Variants in DACH1 observed in about 807,000 individuals in gnomAD.
The protein encoded by DACH1 is dachshund homolog 1.
DACH1 carries 12 observed loss-of-function variants against 54.2 expected under a neutral mutation model. The ratio of observed to expected loss-of-function variants is 0.22; its 90% CI spans 0.14 to 0.36. The LOEUF is 0.36. Among genes scored for constraint, DACH1 ranks in the 10% least tolerant of loss-of-function variants. The probability of loss-of-function intolerance (pLI) is 1.00; values close to 1 mark genes in which losing one functional copy is unlikely to be tolerated. For synonymous variants in DACH1, 386 were observed against 366.2 expected (o/e 1.05, Z -0.62); for missense variants, 805 against 929.8 (o/e 0.87, Z 1.75).
At chr13:71,634,354 G>A (rs934694832) in intron 2 of DACH1, among the ~76,000 whole-genome samples, 4 of 152,072 alleles carry the variant, frequency 2.6e-5, no homozygotes, top group African/African-American at 4.8e-5. Flanking sequence ...AGCGCCCTTT[G>A]TTCTCAGTTC....
At chr13:71,657,974 A>T (rs999478533) in intron 2 of DACH1, among the ~76,000 whole-genome samples, 2 of 152,118 alleles carry the variant, frequency 1.3e-5, no homozygotes, top group Non-Finnish European at 1.5e-5. Flanking sequence ...GTACTTTGAT[A>T]TCCAGTTTTA....
intron 1 of DACH1, among the ~76,000 whole-genome samples, chr13:71,817,962 C>T (rs1888030912): frequency 6.6e-6 from 1 of 151,580 alleles, no homozygotes; most frequent in South Asian, 2.1e-4. Flanking sequence ...TTACAGCCAC[C>T]CGCCATGATG....
At chr13:71,797,610 AAC>A (rs1887110314) in intron 1 of DACH1, among the ~76,000 whole-genome samples, 2 of 152,094 alleles carry the variant, frequency 1.3e-5, no homozygotes, top group Admixed American at 1.3e-4. Context: ...GTAGCACAGG[AAC>A]ACAGAGGGGT....
At position 71,440,671 on chromosome 13, in the gene DACH1, G is replaced by T; in HGVS notation, c.2105C>A (p.Thr702Asn). Residue 702 changes from threonine (T) to asparagine (N), a missense_variant, in exon 11 of 11, where the codon ACT becomes AAT. Transcript: ENST00000613252. ...AGGAAAGATTCAGTACATGACAGTA[G>T]TTTTCAAATACAGTCTTCCATCTAG... ...TIQDGRLYLK[T>N]TVMY The T allele has an allele frequency of 6.2e-7, 1 of 1,605,794 alleles. No individual in the cohort carries two copies. The highest frequency in any genetic ancestry group is 8.5e-7 in the Non-Finnish European group (1 of 1,175,736).
chr13:71,777,051 C>A (rs1886093378), intron 1 of DACH1, among the ~76,000 whole-genome samples: 1 of 152,158 alleles, frequency 6.6e-6, no homozygotes. Flanking sequence ...ATTCTTTCAG[C>A]TTCCTGTAAT....
chr13:71,515,957 C>A (rs1342816906), intron 6 of DACH1, among the ~76,000 whole-genome samples: 4 of 151,822 alleles, frequency 2.6e-5, no homozygotes, highest in African/African-American at 9.7e-5. Context: ...TGTCAGAGCA[C>A]AACGATTCTG....
At chr13:71,766,211 C>T (rs573838658) in intron 1 of DACH1, among the ~76,000 whole-genome samples, 1 of 152,116 alleles carries the variant, frequency 6.6e-6, no homozygotes, top group Non-Finnish European at 1.5e-5. Context: ...ACTATTTCCC[C>T]TAAATTTCCT....
intron 3 of DACH1, among the ~76,000 whole-genome samples, chr13:71,621,854 T>G (rs1419768812): frequency 2.0e-5 from 3 of 152,060 alleles, no homozygotes; most frequent in Non-Finnish European, 2.9e-5. Flanking sequence ...GAAAATGAAC[T>G]GCACATACTG....
chr13:71,758,636 T>C (rs1566483046), intron 1 of DACH1, among the ~76,000 whole-genome samples: 1 of 152,192 alleles, frequency 6.6e-6, no homozygotes, highest in Admixed American at 6.5e-5. Flanking sequence ...TTAATCAAAA[T>C]ACAGCATCTC....
intron 6 of DACH1, among the ~76,000 whole-genome samples, chr13:71,533,193 A>G (rs1882528447): frequency 6.6e-6 from 1 of 151,956 alleles, no homozygotes; most frequent in Non-Finnish European, 1.5e-5. Flanking sequence ...AAGCTCTTCA[A>G]AGCGTATAAG....
intron 1 of DACH1, among the ~76,000 whole-genome samples, chr13:71,696,877 C>T (rs1428953536): frequency 6.6e-6 from 1 of 152,054 alleles, no homozygotes; most frequent in Non-Finnish European, 1.5e-5. Context: ...CACTGCTATT[C>T]CACGACTCTG....
chr13:71,606,838 A>T (rs929298522), intron 3 of DACH1, among the ~76,000 whole-genome samples: 1 of 152,058 alleles, frequency 6.6e-6, no homozygotes, highest in African/African-American at 2.4e-5. Flanking sequence ...GTAGCAAAAG[A>T]TCCATCAATT....
At chr13:71,807,178 G>C (rs996145714) in intron 1 of DACH1, among the ~76,000 whole-genome samples, 1 of 152,074 alleles carries the variant, frequency 6.6e-6, no homozygotes, top group Non-Finnish European at 1.5e-5. Context: ...AGTAATATTT[G>C]TGCTATATTA....
chr13:71,499,507 T>C (rs189778520), intron 6 of DACH1, among the ~76,000 whole-genome samples: 1 of 152,292 alleles, frequency 6.6e-6, no homozygotes, highest in East Asian at 1.9e-4. Flanking sequence ...TAGAAACTGT[T>C]TTTGTTTTAT....
chr13:71,657,659 T>C (rs1271173151), intron 2 of DACH1, among the ~76,000 whole-genome samples: 1 of 151,840 alleles, frequency 6.6e-6, no homozygotes, highest in African/African-American at 2.4e-5. Flanking sequence ...GAGACCCACA[T>C]ATACATACAC....
chr13:71,713,855 C>A (rs982150905), intron 1 of DACH1, among the ~76,000 whole-genome samples: 1 of 151,862 alleles, frequency 6.6e-6, no homozygotes, highest in African/African-American at 2.4e-5. Context: ...AAAAATTAGA[C>A]AAATATAATT....
intron 2 of DACH1, among the ~76,000 whole-genome samples, chr13:71,679,701 T>C (rs907203372): frequency 6.6e-6 from 1 of 152,110 alleles, no homozygotes; most frequent in Non-Finnish European, 1.5e-5. Flanking sequence ...ACATGAAAAG[T>C]TGGCCAGGCG....
intron 3 of DACH1, among the ~76,000 whole-genome samples, chr13:71,592,574 G>C (rs1873813794): frequency 6.6e-6 from 1 of 150,734 alleles, no homozygotes. Flanking sequence ...TGCCAATTTG[G>C]AACTTATAAT....
chr13:71,866,466 TGCCACCGCC>T lies in DACH1; in HGVS notation c.295_303del (p.Gly99_Gly101del), dbSNP rs1364348412. On this transcript the variant is annotated inframe_deletion, in exon 1 of 11. Transcript: ENST00000613252. The stretch of plus-strand genomic sequence containing the variant: ...GCCGCCAGGTTGGGGTTGCAGTTGC[TGCCACCGCC>T]GCCGCCGCCACCGCCGCCTCCGTTG... The T allele has an allele frequency of 5.5e-6, 7 of 1,282,326 alleles. No individual in the cohort carries two copies. In the South Asian group the frequency reaches 1.6e-4, roughly 29 times the overall value. 79.4% of individuals were successfully genotyped at this position (1,282,326 alleles called of 1,614,324 possible).
Sources: allele counts gnomAD v4.1 joint callset (sites outside exome capture counted in the v4.1 genomes callset), GRCh38; gene constraint gnomAD v4.1.1; transcripts MANE v1.5; gene names NCBI Gene and HGNC (gene_info 2026-07-23, HGNC 2026-07-21).